PEX3: variants seen among roughly 807,000 people sequenced by gnomAD.
The protein encoded by PEX3 is peroxisomal biogenesis factor 3.
PEX3 carries 30 observed loss-of-function variants against 55.8 expected under a neutral mutation model. The observed-to-expected ratio is 0.54, with a 90% CI of 0.40 to 0.73. PEX3 has a LOEUF of 0.73. Ranked by LOEUF, PEX3 falls within the 30% of genes least tolerant of loss-of-function variation. PEX3 has a pLI of 0.00. For synonymous variants in PEX3, 135 were observed against 148.4 expected, an observed-to-expected ratio of 0.91 and a Z score of 0.66; for missense variants, 351 against 432.8, an observed-to-expected ratio of 0.81 and a Z score of 1.68.
At position 143,459,227 on chromosome 6, in the gene PEX3, GA is replaced by G. The variant is rs1562651119; in HGVS notation, c.205+14del. 6.2e-7 allele frequency: 1 copy of G among 1,608,896 alleles called. No homozygotes were observed. The highest frequency in any genetic ancestry group is 1.7e-5 in the Admixed American group (1 of 59,990). ...CTTGCAATATGACAGGTAAGACAGAGAAATATTTATACATGTGTAAAGTTGT... is the reference window on the plus strand; with the variant it reads ...CTTGCAATATGACAGGTAAGACAGAGAATATTTATACATGTGTAAAGTTGT... On this transcript the variant is annotated intron_variant, in intron 2 of 11. Transcript: ENST00000367591. This position sits in a 1 kb window ranked among gnomAD's most constrained non-coding sequence, Gnocchi z 4.2.
chr6:143,464,710 T>TG lies in PEX3; in HGVS notation c.287+1719dup, dbSNP rs984018686. Among the ~76,000 whole-genome samples, 1 of 151,740 alleles carries TG rather than the reference T, an allele frequency of 6.6e-6. No individual in the cohort carries two copies. The highest frequency in any genetic ancestry group is 1.5e-5 in the Non-Finnish European group (1 of 67,792). On this transcript the variant is annotated intron_variant, in intron 3 of 11. Transcript: ENST00000367591. This position sits in a 1 kb window ranked among gnomAD's most constrained non-coding sequence, Gnocchi z 5.8. ...TTTGAAATTACTATTTGTAATTTGGTGGGGGGAGAAGGGTAATATCCATTT... is the reference window on the plus strand; with the variant it reads ...TTTGAAATTACTATTTGTAATTTGGTGGGGGGGAGAAGGGTAATATCCATTT...
Position 143,485,189 on chromosome 6 carries a change from C to T in PEX3, c.979C>T (p.Pro327Ser), listed in dbSNP as rs1409279661. Reference sequence around the variant, plus strand: ...CAGCCTGCCTTTAGCTAAGATAATTCCAATAGTAAACGGACAGATCCATTC... The same window carrying T: ...CAGCCTGCCTTTAGCTAAGATAATTTCAATAGTAAACGGACAGATCCATTC... The part of the protein sequence containing the change: ...SVSLPLAKII[P>S]IVNGQIHSVC... The change falls in exon 11 of 12, where the codon CCA becomes TCA. Residue 327 changes from proline (P) to serine (S), a missense_variant. Transcript: ENST00000367591. This position sits in a 1 kb window ranked among gnomAD's most constrained non-coding sequence, Gnocchi z 5.6. 6.2e-7 allele frequency: 1 copy of T among 1,606,138 alleles called. No homozygotes were observed. The highest frequency in any genetic ancestry group is 1.1e-5 in the South Asian group (1 of 90,912).
Position 143,476,128 on chromosome 6 carries a change from A to C in PEX3, c.818+1272A>C, listed in dbSNP as rs1780150813. 6.6e-6 allele frequency among the ~76,000 whole-genome samples: 1 copy of C among 152,212 alleles called. No individual in the cohort carries two copies. Among genetic ancestry groups the C allele is most frequent in the African/African-American group, 2.4e-5 (1 of 41,460 alleles). ...GGTCAGAAAAGGCCTCTTTGAGGAG[A>C]TGTCATTTGAGCAGAGACCTGAATA... On this transcript the variant is annotated intron_variant, in intron 9 of 11. Coordinates refer to ENST00000367591, the MANE Select transcript of PEX3 (RefSeq NM_003630.3). This position sits in a 1 kb window ranked among gnomAD's most constrained non-coding sequence, Gnocchi z 5.4.
In PEX3 at chr6:143,472,959, A is replaced by G. The variant is rs1025526460; in HGVS notation, c.747+631A>G. 7.2e-5 allele frequency among the ~76,000 whole-genome samples: 11 copies of G among 152,350 alleles called. 2 individuals carry two copies. The highest frequency in any genetic ancestry group is 1.9e-4 in the East Asian group (1 of 5,192). On this transcript the variant is annotated intron_variant, in intron 8 of 11. Coordinates refer to ENST00000367591, the MANE Select transcript of PEX3 (RefSeq NM_003630.3). ...TGGGTAGTTGTTACGTAAGTTATTCATTGATTAAAAATAATAGAAATGCCA... is the reference window on the plus strand; with the variant it reads ...TGGGTAGTTGTTACGTAAGTTATTCGTTGATTAAAAATAATAGAAATGCCA...
rs1486322946 is a variant in PEX3, at chr6:143,464,850, G to A, written c.287+1853G>A. Among the ~76,000 whole-genome samples, 1 of 151,670 alleles carries A rather than the reference G, an allele frequency of 6.6e-6. No homozygotes were observed. The highest frequency in any genetic ancestry group is 1.9e-4 in the East Asian group (1 of 5,176). On this transcript the variant is annotated intron_variant, in intron 3 of 11. Transcript: ENST00000367591. The surrounding 1 kb of genome is among the most constrained non-coding windows in gnomAD (Gnocchi z 5.8). The stretch of plus-strand genomic sequence containing the variant: ...TATATGAGACTCTGGTCTCATATAA[G>A]CCTGTTGAGCAAGTTTTTTTTTCTT...
rs1431926333 is a variant in PEX3, at chr6:143,479,004, A to G, written c.819-72A>G. On this transcript the variant is annotated intron_variant, in intron 9 of 11. Coordinates refer to ENST00000367591, the MANE Select transcript of PEX3 (RefSeq NM_003630.3). The surrounding 1 kb of genome is among the most constrained non-coding windows in gnomAD (Gnocchi z 4.6). The stretch of plus-strand genomic sequence containing the variant: ...ATGTTGGTGGCTTTCAAAGGTAACC[A>G]CGTTATTACTGAATTTGTTTTCTCT... 3.3e-6 allele frequency: 3 copies of G among 899,186 alleles called. No homozygotes were observed. The highest frequency in any genetic ancestry group is 2.4e-5 in the East Asian group (1 of 41,000). 55.7% of individuals were successfully genotyped at this position (899,186 alleles called of 1,614,324 possible).
chr6:143,451,059 G>A lies in PEX3; in HGVS notation c.17G>A (p.Trp6Ter), dbSNP rs1243154971. The A allele has an allele frequency of 1.6e-5, 26 of 1,613,394 alleles. No homozygotes were observed. The highest frequency in any genetic ancestry group is 2.2e-5 in the Non-Finnish European group (26 of 1,179,366). MLRSV[W>*]NFLKRHKKKC... Reference sequence around the variant, plus strand: ...GGCCTAAAGATGCTGAGGTCTGTATGGAATTTTCTGAAACGCCACAAAAAG... The same window carrying A: ...GGCCTAAAGATGCTGAGGTCTGTATAGAATTTTCTGAAACGCCACAAAAAG... The change falls in exon 1 of 12, where the codon TGG becomes TAG. Residue 6 changes from tryptophan (W) to a stop codon, truncating the protein, a stop_gained. Transcript: ENST00000367591. LOFTEE classifies it high-confidence loss of function. This position sits in a 1 kb window ranked among gnomAD's most constrained non-coding sequence, Gnocchi z 4.1.
At position 143,489,196 on chromosome 6, in the gene PEX3, T is replaced by C; in HGVS notation, c.1092T>C (p.Ala364=). 1.9e-6 allele frequency: 3 copies of C among 1,605,532 alleles called. No homozygotes were observed. In the South Asian group the frequency reaches 3.3e-5, roughly 18 times the overall value. ...VKDFAANVYE[A]FSTPQQLEK Reference sequence around the variant, plus strand: ...ACTTTGCTGCTAATGTGTATGAAGCTTTTAGTACCCCTCAGCAACTGGAGA... The same window carrying C: ...ACTTTGCTGCTAATGTGTATGAAGCCTTTAGTACCCCTCAGCAACTGGAGA... The change falls in exon 12 of 12, where the codon GCT becomes GCC. Residue 364 remains alanine (A), a synonymous_variant. Transcript: ENST00000367591. The surrounding 1 kb of genome is among the most constrained non-coding windows in gnomAD (Gnocchi z 5.5).
chr6:143,484,666 A>G (rs1022056142), intron 10 of PEX3, among the ~76,000 whole-genome samples: 1 of 152,090 alleles, frequency 6.6e-6, no homozygotes, highest in East Asian at 1.9e-4. Flanking sequence ...AGAAGGCATA[A>G]TGGAGCAGAT....
intron 1 of PEX3, among the ~76,000 whole-genome samples, chr6:143,457,088 C>T (rs1174034732): frequency 6.6e-6 from 1 of 152,168 alleles, no homozygotes; most frequent in Non-Finnish European, 1.5e-5. Context: ...AAATTCTTAG[C>T]TGTGCAAAAA....
chr6:143,468,814 C>CA (rs1491180576), intron 4 of PEX3, among the ~76,000 whole-genome samples: 2,273 of 128,990 alleles, frequency 0.018, 120 homozygotes, highest in African/African-American at 0.059. Flanking sequence ...CCCCCCCCCC[C>CA]ACCCCACGAC....
At position 143,472,142 on chromosome 6, in the gene PEX3, C is replaced by G; in HGVS notation, c.579-18C>G. 1.3e-6 allele frequency: 2 copies of G among 1,558,636 alleles called. No homozygotes were observed. The highest frequency in any genetic ancestry group is 1.8e-6 in the Non-Finnish European group (2 of 1,130,474). ...GTATAGTTTCTATTTATCCCAATTCCCTTTTCTCTGTTTCTAGTGTTTCTC... is the reference window on the plus strand; with the variant it reads ...GTATAGTTTCTATTTATCCCAATTCGCTTTTCTCTGTTTCTAGTGTTTCTC... On this transcript the variant is annotated intron_variant, in intron 7 of 11. Transcript: ENST00000367591.
chr6:143,477,933 A>G (rs1780176267), intron 9 of PEX3, among the ~76,000 whole-genome samples: 1 of 152,154 alleles, frequency 6.6e-6, no homozygotes, highest in Admixed American at 6.5e-5. Flanking sequence ...CTAGGTATCT[A>G]CCAAAAAGAA....
In PEX3 at chr6:143,465,436, G is replaced by GT. The variant is rs1046409576; in HGVS notation, c.287+2448dup. Among the ~76,000 whole-genome samples, 4 of 150,720 alleles carry GT rather than the reference G, an allele frequency of 2.7e-5. No individual in the cohort carries two copies. The highest frequency in any genetic ancestry group is 4.9e-5 in the African/African-American group (2 of 41,030). ...ACAGTTTTTTGTTCGTTTGGTTTTG[G>GT]TTTTTTTTTAGATAGAGTCTTACTC... On this transcript the variant is annotated intron_variant, in intron 3 of 11. Transcript: ENST00000367591. This position sits in a 1 kb window ranked among gnomAD's most constrained non-coding sequence, Gnocchi z 4.7.
intron 4 of PEX3, among the ~76,000 whole-genome samples, chr6:143,470,241 C>A (rs1473777994): frequency 6.6e-6 from 1 of 152,204 alleles, no homozygotes; most frequent in African/African-American, 2.4e-5. Context: ...AGCCACCGTG[C>A]CTAGCCTATG....
Position 143,461,076 on chromosome 6 carries a change from AG to A in PEX3, c.206-1838del, listed in dbSNP as rs554125518. ...AAGCGAAGCATTTAGGCCACAGTGCAGGTCTGACATTTGTGAAGGGAAAAAG... is the reference window on the plus strand; with the variant it reads ...AAGCGAAGCATTTAGGCCACAGTGCAGTCTGACATTTGTGAAGGGAAAAAG... On this transcript the variant is annotated intron_variant, in intron 2 of 11. Transcript: ENST00000367591. Among the ~76,000 whole-genome samples, 225 of 152,284 alleles carry A rather than the reference AG, an allele frequency of 1.5e-3. 1 individual carries two copies. Among genetic ancestry groups the A allele is most frequent in the African/African-American group, 5.0e-3 (209 of 41,568 alleles).
intron 4 of PEX3, among the ~76,000 whole-genome samples, chr6:143,469,046 T>A (rs988751102): frequency 2.6e-5 from 4 of 152,198 alleles, no homozygotes; most frequent in African/African-American, 9.7e-5. Flanking sequence ...GGTGTATATG[T>A]GCCACATTTT....
Position 143,476,284 on chromosome 6 carries a change from G to A in PEX3, c.818+1428G>A, listed in dbSNP as rs931818803. On this transcript the variant is annotated intron_variant, in intron 9 of 11. Transcript: ENST00000367591. This position sits in a 1 kb window ranked among gnomAD's most constrained non-coding sequence, Gnocchi z 5.4. ...TTGTTGGCTGGAGCACAGTGAATGA[G>A]AAAAGTAATAGGGAAGTGAGATTGG... is the stretch of plus-strand genomic sequence containing the variant. 3.9e-5 allele frequency among the ~76,000 whole-genome samples: 6 copies of A among 152,214 alleles called. No homozygotes were observed. Among genetic ancestry groups the A allele is most frequent in the Non-Finnish European group, 8.8e-5 (6 of 68,028 alleles).
chr6:143,481,073 G>C (rs974062095), intron 10 of PEX3, among the ~76,000 whole-genome samples: 1 of 144,748 alleles, frequency 6.9e-6, no homozygotes, highest in Non-Finnish European at 1.5e-5. Flanking sequence ...TATTATTTAC[G>C]TGTATTATAA....
Sources: allele counts gnomAD v4.1 joint callset (sites outside exome capture counted in the v4.1 genomes callset), GRCh38; gene constraint gnomAD v4.1.1; non-coding constraint Gnocchi (gnomAD v3.1); transcripts MANE v1.5; gene names NCBI Gene and HGNC (gene_info 2026-07-23, HGNC 2026-07-21).